Variants in SPMAP2L observed in about 807,000 individuals in gnomAD.
SPMAP2L encodes the protein sperm microtubule associated protein 2 like.
chr4:56,595,641 G>C, the SPMAP2L span: 1 of 1,233,890 alleles, frequency 8.1e-7, no homozygotes, highest in Non-Finnish European at 1.2e-6. Context: ...CATATATGGA[G>C]ATCAGCACCT....
At chr4:56,562,801 G>A in the SPMAP2L span, among the ~76,000 whole-genome samples, 2 of 39,224 alleles carry the variant, frequency 5.1e-5, no homozygotes, top group Admixed American at 2.6e-4. Flanking sequence ...TTTTTACTAT[G>A]TGTGTATTTA....
the SPMAP2L span, among the ~76,000 whole-genome samples, chr4:56,570,390 T>C: frequency 4.3e-4 from 66 of 152,202 alleles, 1 homozygote; most frequent in South Asian, 2.1e-4. Flanking sequence ...CAAACCTAGA[T>C]GGTATAGCCT....
the SPMAP2L span, among the ~76,000 whole-genome samples, chr4:56,617,821 C>T: frequency 2.0e-5 from 3 of 152,160 alleles, no homozygotes; most frequent in Admixed American, 2.0e-4. Context: ...GTGGAAGTAG[C>T]TCTCAGCAGA....
the SPMAP2L span, among the ~76,000 whole-genome samples, chr4:56,625,962 T>G: frequency 1.3e-5 from 2 of 152,224 alleles, no homozygotes; most frequent in Non-Finnish European, 2.9e-5. Context: ...GCCCTGTGGC[T>G]ACCCTGTGGG....
the SPMAP2L span, among the ~76,000 whole-genome samples, chr4:56,576,801 TA>T: frequency 6.6e-6 from 1 of 152,340 alleles, no homozygotes; most frequent in African/African-American, 2.4e-5. Context: ...TCTATAGTTA[TA>T]AACAAAGGAA....
At chr4:56,578,496 A>G in the SPMAP2L span, among the ~76,000 whole-genome samples, 29 of 152,324 alleles carry the variant, frequency 1.9e-4, no homozygotes, top group African/African-American at 6.7e-4. Flanking sequence ...ATCGGTAATT[A>G]CATTAAATGT....
chr4:56,580,791 C>T, the SPMAP2L span, among the ~76,000 whole-genome samples: 1 of 151,932 alleles, frequency 6.6e-6, no homozygotes, highest in Non-Finnish European at 1.5e-5. Flanking sequence ...CAAGAAGGTG[C>T]AGAATCCAAA....
chr4:56,558,239 G>A, the SPMAP2L span, among the ~76,000 whole-genome samples: 2 of 152,074 alleles, frequency 1.3e-5, no homozygotes, highest in African/African-American at 4.8e-5. Context: ...AACTGTTGTT[G>A]GGATTACAGG....
At chr4:56,564,249 T>C in the SPMAP2L span, among the ~76,000 whole-genome samples, 1 of 150,966 alleles carries the variant, frequency 6.6e-6, no homozygotes, top group Non-Finnish European at 1.5e-5. Flanking sequence ...ACCTCCCACC[T>C]CAGCCTCCCA....
the SPMAP2L span, chr4:56,593,155 T>G: frequency 4.5e-6 from 7 of 1,566,042 alleles, no homozygotes; most frequent in South Asian, 1.1e-5. Context: ...CATACCAGCC[T>G]GAGGTGTCTC....
At chr4:56,604,730 T>C in the SPMAP2L span, among the ~76,000 whole-genome samples, 2 of 151,698 alleles carry the variant, frequency 1.3e-5, no homozygotes, top group African/African-American at 4.8e-5. Flanking sequence ...CAATTCACAA[T>C]TGCAAAAATA....
chr4:56,594,117 T>C, the SPMAP2L span: 12 of 1,608,052 alleles, frequency 7.5e-6, no homozygotes, highest in Non-Finnish European at 1.0e-5. Context: ...TTGTTGCGGA[T>C]CTTTGTTTGT....
chr4:56,534,046 C>A, the SPMAP2L span, among the ~76,000 whole-genome samples: 2 of 152,152 alleles, frequency 1.3e-5, no homozygotes, highest in Admixed American at 6.5e-5. Context: ...AACCCCAAAC[C>A]TTCCTTGAAC....
chr4:56,569,813 G>A, the SPMAP2L span, among the ~76,000 whole-genome samples: 2 of 152,188 alleles, frequency 1.3e-5, no homozygotes, highest in African/African-American at 4.8e-5. Context: ...AAAGTTACTG[G>A]AGATGTCTTT....
chr4:56,588,627 C>T, the SPMAP2L span, among the ~76,000 whole-genome samples: 1 of 152,108 alleles, frequency 6.6e-6, no homozygotes, highest in East Asian at 1.9e-4. Context: ...GATGGGGTTT[C>T]TCTATACGGG....
the SPMAP2L span, chr4:56,595,330 G>T: frequency 6.2e-6 from 10 of 1,609,330 alleles, no homozygotes; most frequent in African/African-American, 1.3e-5. Context: ...TGGATTTCAC[G>T]CCCCTATCAT....
At chr4:56,597,792 C>A in the SPMAP2L span, among the ~76,000 whole-genome samples, 2 of 152,094 alleles carry the variant, frequency 1.3e-5, no homozygotes, top group Admixed American at 1.3e-4. Flanking sequence ...CAGTGCAATG[C>A]AGAACACTTT....
chr4:56,592,847 G>T, the SPMAP2L span, among the ~76,000 whole-genome samples: 1 of 152,170 alleles, frequency 6.6e-6, no homozygotes, highest in Non-Finnish European at 1.5e-5. Flanking sequence ...CGACGACTTC[G>T]CTCGGAGGCA....
the SPMAP2L span, chr4:56,596,644 T>C: frequency 1.3e-6 from 2 of 1,503,164 alleles, no homozygotes; most frequent in Non-Finnish European, 1.8e-6. Context: ...AAGCCATCGC[T>C]ACCTTGGTAT....
Sources: gnomAD v4.1 joint callset for allele counts (sites outside exome capture counted in the v4.1 genomes callset) on GRCh38, gnomAD v4.1.1 for gene constraint, MANE v1.5 for transcripts, NCBI Gene and HGNC (gene_info 2026-07-23, HGNC 2026-07-21) for gene names.